EPB41L4A: variants seen among roughly 807,000 people sequenced by gnomAD.
EPB41L4A encodes erythrocyte membrane protein band 4.1 like 4A, also known as band 4.1-like protein 4A.
EPB41L4A carries 100 observed loss-of-function variants against 108.6 expected under a neutral mutation model. That is an observed-to-expected ratio of 0.92 (90% confidence interval 0.78 to 1.09). The LOEUF (loss-of-function observed/expected upper bound fraction) is 1.09. Among genes scored for constraint, EPB41L4A ranks in the 50% least tolerant of loss-of-function variants. EPB41L4A has a pLI of 0.00. For missense variants in EPB41L4A, 1,030 were observed against 842.7 expected (o/e 1.22, Z -2.75); for synonymous variants, 319 against 289.0 (o/e 1.10, Z -1.05).
chr5:112,273,442 A>G (rs571599388), intron 4 of EPB41L4A, among the ~76,000 whole-genome samples: 1 of 152,222 alleles, frequency 6.6e-6, no homozygotes, highest in South Asian at 2.1e-4. Context: ...ATGCATTATA[A>G]AACAATGATC....
rs1045817039 is a variant in EPB41L4A at position 112,162,993 on chromosome 5, G to A, written c.*1997C>T. 1 of 152,208 alleles carries A rather than the reference G, an allele frequency of 6.6e-6. No homozygotes were observed. The highest frequency in any genetic ancestry group is 1.5e-5 in the Non-Finnish European group (1 of 68,036). 9.4% of individuals were successfully genotyped at this position (152,208 alleles called of 1,614,324 possible). A position where few individuals can be genotyped will look rare whatever the true frequency, so the allele number is the denominator to read the frequency against. On this transcript the variant is annotated 3_prime_UTR_variant, in exon 23 of 23. Coordinates refer to ENST00000261486, the MANE Select transcript of EPB41L4A (RefSeq NM_022140.5). ...GCTTGTAAGATGGCTATTATGGGAG[G>A]TGAGAGTGTTACAAAATGAGGCTGA... is the stretch of plus-strand genomic sequence containing the variant.
chr5:112,221,553 T>C (rs1023523009), intron 12 of EPB41L4A, among the ~76,000 whole-genome samples: 1 of 152,196 alleles, frequency 6.6e-6, no homozygotes, highest in African/African-American at 2.4e-5. Flanking sequence ...AGACAATTTA[T>C]ATAAAGCCTT....
In EPB41L4A at chr5:112,215,645, C is replaced by T. The variant is rs549849499; in HGVS notation, c.1088-5663G>A. Among the ~76,000 whole-genome samples, 3 of 151,828 alleles carry T rather than the reference C, an allele frequency of 2.0e-5. No homozygotes were observed. The East Asian group carries it at 5.8e-4, about 30-fold the overall frequency. ...AGGCGTGCTGGCAGGTGCCTGTGGT[C>T]CCAGCTACTCGGGAGGGTGAGGCAG... On this transcript the variant is annotated intron_variant, in intron 12 of 22. Coordinates refer to ENST00000261486, the MANE Select transcript of EPB41L4A (RefSeq NM_022140.5).
At chr5:112,255,343 C>T (rs141440343) in intron 9 of EPB41L4A, among the ~76,000 whole-genome samples, 1 of 152,194 alleles carries the variant, frequency 6.6e-6, no homozygotes, top group Non-Finnish European at 1.5e-5. Flanking sequence ...TGTTCATTCC[C>T]CCGTTAATGG....
At chr5:112,178,136 AG>A (rs1561452170) in intron 18 of EPB41L4A, among the ~76,000 whole-genome samples, 1 of 152,160 alleles carries the variant, frequency 6.6e-6, no homozygotes, top group Non-Finnish European at 1.5e-5. Flanking sequence ...ACAGATTAAA[AG>A]GATATACCAT....
intron 12 of EPB41L4A, among the ~76,000 whole-genome samples, chr5:112,157,570 A>G (rs1352450725): frequency 1.3e-5 from 2 of 152,188 alleles, no homozygotes; most frequent in Non-Finnish European, 2.9e-5. Flanking sequence ...GAGGCTGCCC[A>G]TATTCTTTGG....
At chr5:112,403,603 G>A (rs1761916291) in intron 1 of EPB41L4A, among the ~76,000 whole-genome samples, 1 of 152,108 alleles carries the variant, frequency 6.6e-6, no homozygotes, top group African/African-American at 2.4e-5. Flanking sequence ...AGAGTAGCTA[G>A]GACTACAGGC....
chr5:112,168,232 T>C (rs1475731395), intron 22 of EPB41L4A, among the ~76,000 whole-genome samples: 3 of 152,206 alleles, frequency 2.0e-5, no homozygotes, highest in Non-Finnish European at 2.9e-5. Flanking sequence ...GTTAAAGTGA[T>C]TTTGTTAAGG....
chr5:112,301,704 C>T (rs1000817611), intron 2 of EPB41L4A, among the ~76,000 whole-genome samples: 1 of 152,108 alleles, frequency 6.6e-6, no homozygotes, highest in African/African-American at 2.4e-5. Flanking sequence ...GCAATCTAGT[C>T]CTGCCCCCTG....
At chr5:112,154,437 A>C (rs1335270163) in intron 12 of EPB41L4A, among the ~76,000 whole-genome samples, 1 of 152,240 alleles carries the variant, frequency 6.6e-6, no homozygotes. Flanking sequence ...TTGATATTTA[A>C]CATTCAATAA....
At chr5:112,373,000 C>CT (rs762875225) in intron 1 of EPB41L4A, among the ~76,000 whole-genome samples, 4 of 152,178 alleles carry the variant, frequency 2.6e-5, no homozygotes, top group Non-Finnish European at 2.9e-5. Context: ...TCCATATATT[C>CT]TTTTTAAGAG....
At chr5:112,333,699 C>A (rs1387391716) in intron 1 of EPB41L4A, among the ~76,000 whole-genome samples, 3 of 152,152 alleles carry the variant, frequency 2.0e-5, no homozygotes, top group African/African-American at 7.2e-5. Context: ...AGATCTAATG[C>A]CACTTTTCCA....
At chr5:112,143,796 C>T in exon 14 of EPB41L4A, 1 of 447,572 alleles carries the variant, frequency 2.2e-6, no homozygotes, top group Non-Finnish European at 4.5e-6. Context: ...CCTGAACCAA[C>T]CACAGCAGCC....
intron 18 of EPB41L4A, among the ~76,000 whole-genome samples, chr5:112,181,987 G>A (rs949570810): frequency 1.3e-5 from 2 of 152,000 alleles, no homozygotes; most frequent in Non-Finnish European, 1.5e-5. Flanking sequence ...GCAGGAGAAT[G>A]GCTTGAACCC....
At chr5:112,275,578 C>T (rs919731720) in intron 3 of EPB41L4A, among the ~76,000 whole-genome samples, 174 bp from the exon 4 acceptor site, 1 of 152,104 alleles carries the variant, frequency 6.6e-6, no homozygotes, top group African/African-American at 2.4e-5. Flanking sequence ...GACACATACA[C>T]ACACACAGAT....
chr5:112,313,124 T>C (rs932745998), intron 1 of EPB41L4A, among the ~76,000 whole-genome samples: 4 of 152,206 alleles, frequency 2.6e-5, no homozygotes, highest in Admixed American at 2.6e-4. Flanking sequence ...GGAGGATGAT[T>C]ATCTTTCAGA....
intron 1 of EPB41L4A, among the ~76,000 whole-genome samples, chr5:112,365,308 C>T (rs1759052872): frequency 6.6e-6 from 1 of 152,118 alleles, no homozygotes; most frequent in Non-Finnish European, 1.5e-5. Flanking sequence ...TGTAATCCTC[C>T]CACCTCAGCC....
chr5:112,325,732 CCCTACTTGCAA>C (rs1756113339), intron 1 of EPB41L4A, among the ~76,000 whole-genome samples: 1 of 152,182 alleles, frequency 6.6e-6, no homozygotes, highest in Non-Finnish European at 1.5e-5. Context: ...TTTCATCCAG[CCCTACTTGCAA>C]CCTCGGCAGG....
At chr5:112,165,750 A>G (rs954734876) in intron 22 of EPB41L4A, among the ~76,000 whole-genome samples, 15 of 152,232 alleles carry the variant, frequency 9.9e-5, no homozygotes, top group African/African-American at 2.2e-4. Flanking sequence ...GCTGGCAAGC[A>G]TATTTCCTTC....
Sources: gnomAD v4.1 joint callset for allele counts (sites outside exome capture counted in the v4.1 genomes callset) on GRCh38, gnomAD v4.1.1 for gene constraint, MANE v1.5 for transcripts, NCBI Gene and HGNC (gene_info 2026-07-23, HGNC 2026-07-21) for gene names.